TTC34: variants seen among roughly 807,000 people sequenced by gnomAD.
TTC34 encodes tetratricopeptide repeat domain 34, also known as tetratricopeptide repeat protein 34.
In TTC34, 44 loss-of-function variants were observed where a neutral mutation model predicts 40.7. That is an observed-to-expected ratio of 1.08 (90% CI 0.85 to 1.39). The LOEUF is 1.39. TTC34 is among the 40% of genes most tolerant of loss of function. TTC34 has a pLI of 0.00. For missense variants in TTC34, 884 were observed against 838.0 expected (o/e 1.05, Z -0.68); for synonymous variants, 422 against 398.6 (o/e 1.06, Z -0.70).
chr1:2,786,557 C>T (rs576664126), intron 4 of TTC34, among the ~76,000 whole-genome samples: 1 of 152,268 alleles, frequency 6.6e-6, no homozygotes, highest in Non-Finnish European at 1.5e-5. Context: ...GTTCCCGAGC[C>T]TAGGACTTCT....
In TTC34 at chr1:2,673,282, G is replaced by A. The variant is rs1263220852; in HGVS notation, c.2227-27719C>T. Among the ~76,000 whole-genome samples the A allele has an allele frequency of 7.2e-5, 6 of 82,780 alleles. No individual in the cohort carries two copies. In the South Asian group the frequency reaches 1.4e-3, roughly 19 times the overall value. The allele number at this position is 82,780 out of a possible 152,430, so 54.3% of individuals were successfully genotyped here. A position where few individuals can be genotyped will look rare whatever the true frequency, so the allele number is the denominator to read the frequency against. On this transcript the variant is annotated intron_variant, in intron 6 of 8. Coordinates refer to ENST00000401095, the Ensembl canonical transcript of TTC34. Reference sequence around the variant, plus strand: ...CCTGGAGCAGCATCCACACCCCCAGGTGAGCATTTGACAGCCTGGAACAGC... The same window carrying A: ...CCTGGAGCAGCATCCACACCCCCAGATGAGCATTTGACAGCCTGGAACAGC...
At chr1:2,758,829 A>G (rs2100455313) in intron 6 of TTC34, among the ~76,000 whole-genome samples, 2 of 30,026 alleles carry the variant, frequency 6.7e-5, no homozygotes, top group Non-Finnish European at 5.5e-5. Flanking sequence ...CTGAAGCAGC[A>G]CCCACACCAA....
chr1:2,683,943 A>C (rs1036907372), intron 6 of TTC34, among the ~76,000 whole-genome samples: 2 of 142,690 alleles, frequency 1.4e-5, no homozygotes, highest in Admixed American at 1.4e-4. Flanking sequence ...GGTCTGGAGC[A>C]GTACCCACAC....
intron 8 of TTC34, among the ~76,000 whole-genome samples, chr1:2,642,511 C>T (rs1271450309): frequency 6.6e-6 from 1 of 152,230 alleles, no homozygotes; most frequent in East Asian, 1.9e-4. Flanking sequence ...CCTGCCCCCC[C>T]CACTCCTCCC....
chr1:2,683,428 T>TGGAGCAGCACCC (rs1640170365), intron 6 of TTC34, among the ~76,000 whole-genome samples: 1 of 5,532 alleles, frequency 1.8e-4, no homozygotes, highest in Non-Finnish European at 3.5e-4. Context: ...AACACCACCC[T>TGGAGCAGCACCC]TCACCCCCAG....
At chr1:2,683,125 T>C (rs377650155) in intron 6 of TTC34, among the ~76,000 whole-genome samples, 1,428 of 38,212 alleles carry the variant, frequency 0.037, 1 homozygote, top group Non-Finnish European at 0.044. Flanking sequence ...AGGTGAGCAT[T>C]TGACAGCCTG....
chr1:2,755,075 G>A (rs1166276896), intron 6 of TTC34, among the ~76,000 whole-genome samples: 1 of 31,930 alleles, frequency 3.1e-5, no homozygotes, highest in Non-Finnish European at 4.8e-5. Context: ...AGGTGCGCAC[G>A]TGACAGCCTG....
chr1:2,645,584 CGGG>C lies in TTC34; in HGVS notation c.2227-24_2227-22del. 20 of 41,918 alleles carry C rather than the reference CGGG, an allele frequency of 4.8e-4. No homozygotes were observed. The highest frequency in any genetic ancestry group is 3.0e-3 in the East Asian group (4 of 1,348). The allele number at this position is 41,918 out of a possible 1,614,324, so 2.6% of individuals were successfully genotyped here. ...GCTTCCTGCAAGGAGGGAGGGCGGG[CGGG>C]TGCAGAGTTGTCCTAAGTAGAGAAA... On this transcript the variant is annotated intron_variant, in intron 6 of 8. Coordinates refer to ENST00000401095, the Ensembl canonical transcript of TTC34. This position sits in a 1 kb window ranked among gnomAD's most constrained non-coding sequence, Gnocchi z 4.7.
chr1:2,783,481 G>T, intron 6 of TTC34, 128 bp downstream of exon 6: 2 of 981,738 alleles, frequency 2.0e-6, no homozygotes, highest in South Asian at 3.6e-5. Flanking sequence ...TGGGAACATG[G>T]GTTTTGATGG....
At chr1:2,752,210 C>A (rs71249977) in intron 6 of TTC34, among the ~76,000 whole-genome samples, 3,401 of 114,300 alleles carry the variant, frequency 0.03, 309 homozygotes, top group Middle Eastern at 0.059. Context: ...GAACCCACAC[C>A]CCCAGGTGAG....
chr1:2,787,649 G>C, exon 4 of TTC34: 2 of 1,549,864 alleles, frequency 1.3e-6, no homozygotes, highest in South Asian at 2.4e-5. Context: ...GAGAGGCCTC[G>C]TCCTCTGAAT....
chr1:2,784,799 CTTA>C (rs1374528688), intron 5 of TTC34, among the ~76,000 whole-genome samples: 1 of 152,200 alleles, frequency 6.6e-6, no homozygotes. Flanking sequence ...CATGACTATT[CTTA>C]TTCTATTTTC....
chr1:2,767,885 C>T (rs1295109266), intron 6 of TTC34, among the ~76,000 whole-genome samples: 1 of 140,522 alleles, frequency 7.1e-6, no homozygotes, highest in Non-Finnish European at 1.6e-5. Context: ...CAGCACCCTC[C>T]ACCACCAGAT....
chr1:2,643,623 T>A (rs1298183256), intron 8 of TTC34, among the ~76,000 whole-genome samples: 1 of 151,858 alleles, frequency 6.6e-6, no homozygotes, highest in Non-Finnish European at 1.5e-5. Context: ...TAGGTCCCGA[T>A]AACCCAATCT....
chr1:2,752,506 C>T (rs1281115684), intron 6 of TTC34, among the ~76,000 whole-genome samples: 60 of 134,182 alleles, frequency 4.5e-4, no homozygotes, highest in Middle Eastern at 3.8e-3. Flanking sequence ...AGGTGAGCAT[C>T]TGACAGCCTG....
intron 6 of TTC34, among the ~76,000 whole-genome samples, chr1:2,677,525 C>CT (rs1639951299): frequency 1.9e-5 from 2 of 107,712 alleles, no homozygotes; most frequent in Non-Finnish European, 4.1e-5. Context: ...GAGCAGCACC[C>CT]ACACACCCAG....
intron 6 of TTC34, among the ~76,000 whole-genome samples, chr1:2,691,077 G>C (rs1640596504): frequency 1.2e-5 from 1 of 82,098 alleles, no homozygotes; most frequent in South Asian, 3.6e-4. Context: ...GTGAGCATCT[G>C]ATGCTTTGGA....
chr1:2,749,577 T>C (rs1235879107), intron 6 of TTC34, among the ~76,000 whole-genome samples: 2 of 99,018 alleles, frequency 2.0e-5, no homozygotes, highest in South Asian at 4.0e-4. Flanking sequence ...CAGGCGAGCA[T>C]CCGACAGCCT....
At chr1:2,791,280 C>T (rs990471732) in intron 2 of TTC34, among the ~76,000 whole-genome samples, 6 of 152,206 alleles carry the variant, frequency 3.9e-5, no homozygotes, top group African/African-American at 1.4e-4. Flanking sequence ...GCTGGGCGGG[C>T]TTCAGGTCAT....
Sources: allele counts gnomAD v4.1 joint callset (sites outside exome capture counted in the v4.1 genomes callset), GRCh38; gene constraint gnomAD v4.1.1; non-coding constraint Gnocchi (gnomAD v3.1); transcripts MANE v1.5; gene names NCBI Gene and HGNC (gene_info 2026-07-23, HGNC 2026-07-21).